ATRNL1: variants seen among roughly 807,000 people sequenced by gnomAD.
ATRNL1 encodes the protein attractin like 1.
A neutral mutation model predicts 182.7 loss-of-function variants in ATRNL1; 95 were observed. The ratio of observed to expected loss-of-function variants is 0.52; its 90% confidence interval spans 0.44 to 0.62. The LOEUF (loss-of-function observed/expected upper bound fraction) is 0.62, where lower values mean the gene tolerates loss of function less well. Ranked by LOEUF, ATRNL1 falls within the 20% of genes least tolerant of loss-of-function variation. ATRNL1 has a pLI of 0.00. For missense variants in ATRNL1, 1,471 were observed against 1,679.5 expected (o/e 0.88, Z 2.17); for synonymous variants, 576 against 568.3 (o/e 1.01, Z -0.19).
intron 20 of ATRNL1, among the ~76,000 whole-genome samples, chr10:115,395,078 G>T (rs772667950): frequency 1.5e-4 from 22 of 151,064 alleles, no homozygotes; most frequent in Non-Finnish European, 3.1e-4. Flanking sequence ...GTGTCCCTGT[G>T]TACCAATATT....
intron 1 of ATRNL1, among the ~76,000 whole-genome samples, chr10:115,113,561 G>A (rs539660648): frequency 1.3e-5 from 2 of 152,154 alleles, no homozygotes; most frequent in Non-Finnish European, 2.9e-5. Flanking sequence ...TAGTGAATAA[G>A]TCTTATGAGA....
chr10:115,274,118 A>G (rs1344043416), intron 13 of ATRNL1, among the ~76,000 whole-genome samples: 2 of 152,182 alleles, frequency 1.3e-5, no homozygotes, highest in Admixed American at 6.5e-5. Flanking sequence ...TTATTTGCCT[A>G]TAGGGGCCTG....
In ATRNL1 at chr10:115,695,273, C is replaced by T. The variant is rs958204303; in HGVS notation, c.3796-31975C>T. 3.3e-5 allele frequency among the ~76,000 whole-genome samples: 5 copies of T among 152,138 alleles called. No homozygotes were observed. In the South Asian group the frequency reaches 1.0e-3, roughly 32 times the overall value. On this transcript the variant is annotated intron_variant, in intron 26 of 28. Coordinates refer to ENST00000355044, the MANE Select transcript of ATRNL1 (RefSeq NM_207303.4). The stretch of plus-strand genomic sequence containing the variant: ...TTTTTTTATGCTCATCAGTCAGGTC[C>T]AAATTCAAGGAGCCATTATCAAAGT...
At chr10:115,431,401 T>TAAAAAA (rs3981285) in intron 21 of ATRNL1, among the ~76,000 whole-genome samples, 7 of 110,776 alleles carry the variant, frequency 6.3e-5, no homozygotes, top group Middle Eastern at 5.1e-3. Flanking sequence ...AGAGTGAAAC[T>TAAAAAA]AAAAAAAAAA....
At chr10:115,731,678 A>G (rs1319608438) in intron 27 of ATRNL1, among the ~76,000 whole-genome samples, 1 of 150,060 alleles carries the variant, frequency 6.7e-6, no homozygotes, top group African/African-American at 2.4e-5. Flanking sequence ...TATTTAATAT[A>G]TATAATGCAC....
At chr10:115,299,063 C>G (rs1433488284) in intron 15 of ATRNL1, among the ~76,000 whole-genome samples, 1 of 151,594 alleles carries the variant, frequency 6.6e-6, no homozygotes, top group African/African-American at 2.4e-5. Context: ...ACATTTTTCT[C>G]TATCCTGGTA....
intron 27 of ATRNL1, among the ~76,000 whole-genome samples, chr10:115,763,794 A>T (rs1555074264): frequency 1.3e-5 from 2 of 152,200 alleles, no homozygotes; most frequent in East Asian, 3.9e-4. Context: ...TTTTGTATTT[A>T]AAAATGTATG....
chr10:115,592,961 A>ATCTG (rs1856003805), intron 26 of ATRNL1, among the ~76,000 whole-genome samples: 10 of 152,022 alleles, frequency 6.6e-5, no homozygotes, highest in Admixed American at 6.6e-4. Context: ...CTATCTATCT[A>ATCTG]TCTAGCTTAG....
chr10:115,532,347 C>T (rs1423455260), intron 25 of ATRNL1, among the ~76,000 whole-genome samples: 1 of 152,114 alleles, frequency 6.6e-6, no homozygotes, highest in African/African-American at 2.4e-5. Context: ...TCCTTCACAT[C>T]CCTTGTAAGT....
At chr10:115,802,933 A>G (rs759371760) in intron 27 of ATRNL1, among the ~76,000 whole-genome samples, 4 of 152,206 alleles carry the variant, frequency 2.6e-5, no homozygotes, top group Non-Finnish European at 4.4e-5. Flanking sequence ...AGGCAAAAAG[A>G]ATATATGAAA....
At chr10:115,303,222 T>G (rs1299213939) in intron 17 of ATRNL1, among the ~76,000 whole-genome samples, 1 of 946 alleles carries the variant, frequency 1.1e-3, no homozygotes, top group African/African-American at 2.3e-3. Context: ...GGTATGCAGG[T>G]TTTTTTTTTT....
chr10:115,222,227 T>C (rs1219573791), intron 9 of ATRNL1, among the ~76,000 whole-genome samples: 1 of 151,464 alleles, frequency 6.6e-6, no homozygotes, highest in Non-Finnish European at 1.5e-5. Flanking sequence ...GGGGGAAATA[T>C]GAAATGGAAG....
At chr10:115,813,994 T>C (rs1319083438) in intron 27 of ATRNL1, among the ~76,000 whole-genome samples, 2 of 152,154 alleles carry the variant, frequency 1.3e-5, no homozygotes, top group Non-Finnish European at 2.9e-5. Context: ...ATTGACATAA[T>C]GACAGTGAAT....
intron 19 of ATRNL1, among the ~76,000 whole-genome samples, chr10:115,361,309 G>A (rs1856736324): frequency 6.6e-6 from 1 of 151,784 alleles, no homozygotes; most frequent in African/African-American, 2.4e-5. Context: ...ACCTGTCTAT[G>A]TATGTATGTA....
At chr10:115,485,847 A>G (rs900247690) in intron 24 of ATRNL1, among the ~76,000 whole-genome samples, 1 of 151,946 alleles carries the variant, frequency 6.6e-6, no homozygotes, top group South Asian at 2.1e-4. Flanking sequence ...GCACCCATCA[A>G]CCTGTTATCT....
At chr10:115,462,179 C>T (rs782333018) in intron 22 of ATRNL1, 144 bp downstream of exon 22, 5 of 490,574 alleles carry the variant, frequency 1.0e-5, no homozygotes, top group African/African-American at 2.0e-5. Context: ...TTTCTCTCTT[C>T]GTGATTCAAT....
At chr10:115,322,612 A>G (rs1216082266) in intron 18 of ATRNL1, among the ~76,000 whole-genome samples, 1 of 152,016 alleles carries the variant, frequency 6.6e-6, no homozygotes. Context: ...TTTTGCATGG[A>G]GTTGAACTAC....
chr10:115,499,674 A>G (rs1435525176), intron 24 of ATRNL1, among the ~76,000 whole-genome samples: 1 of 152,226 alleles, frequency 6.6e-6, no homozygotes, highest in Non-Finnish European at 1.5e-5. Context: ...GTTCTAGGTT[A>G]TAGGCAGATA....
At chr10:115,822,589 T>G (rs1950329999) in intron 27 of ATRNL1, among the ~76,000 whole-genome samples, 1 of 151,458 alleles carries the variant, frequency 6.6e-6, no homozygotes, top group Non-Finnish European at 1.5e-5. Flanking sequence ...TAAAAAATGA[T>G]AAAGGAAATA....
Sources: gnomAD v4.1 joint callset for allele counts (sites outside exome capture counted in the v4.1 genomes callset) on GRCh38, gnomAD v4.1.1 for gene constraint, MANE v1.5 for transcripts, NCBI Gene and HGNC (gene_info 2026-07-23, HGNC 2026-07-21) for gene names.